The following LRRFIP1 variants were observed in gnomAD, a reference collection of about 807,000 sequenced individuals.
LRRFIP1 encodes the protein LRR binding FLII interacting protein 1, also known as leucine-rich repeat flightless-interacting protein 1.
A neutral mutation model predicts 104.4 loss-of-function variants in LRRFIP1; 62 were observed. The observed-to-expected ratio is 0.59, with a 90% CI of 0.48 to 0.73. The LOEUF (loss-of-function observed/expected upper bound fraction) is 0.73. Among genes scored for constraint, LRRFIP1 ranks in the 30% least tolerant of loss-of-function variants. The pLI is 0.00. For synonymous variants in LRRFIP1, 300 were observed against 299.0 expected, an observed-to-expected ratio of 1.00 and a Z score of -0.03; for missense variants, 796 against 824.5, an observed-to-expected ratio of 0.97 and a Z score of 0.42.
chr2:237,756,682 A>G (rs2059301023), intron 16 of LRRFIP1, among the ~76,000 whole-genome samples: 1 of 152,214 alleles, frequency 6.6e-6, no homozygotes, highest in Non-Finnish European at 1.5e-5. Flanking sequence ...GATTTACGAA[A>G]CAGTCCCTCT....
intron 3 of LRRFIP1, among the ~76,000 whole-genome samples, chr2:237,715,965 G>A (rs1461035033): frequency 2.0e-5 from 3 of 152,210 alleles, no homozygotes; most frequent in African/African-American, 4.8e-5. Context: ...TGAACGAGGT[G>A]AAAGATTTTC....
chr2:237,772,497 GAAA>G, intron 21 of LRRFIP1: 1 of 345,106 alleles, frequency 2.9e-6, no homozygotes. Flanking sequence ...TTGATTGTAT[GAAA>G]AAAAAAAAAT....
chr2:237,772,597 C>G, intron 21 of LRRFIP1: 1 of 537,266 alleles, frequency 1.9e-6, no homozygotes, highest in Non-Finnish European at 3.3e-6. Context: ...TTTCCCTACC[C>G]CCTACCATCT....
At chr2:237,673,472 G>C (rs1398573030) in intron 1 of LRRFIP1, among the ~76,000 whole-genome samples, 1 of 152,254 alleles carries the variant, frequency 6.6e-6, no homozygotes, top group Admixed American at 6.5e-5. Context: ...TGGGTTTCCT[G>C]TCTGTACATC....
At chr2:237,693,656 G>A (rs193227052) in intron 1 of LRRFIP1, among the ~76,000 whole-genome samples, 1 of 152,298 alleles carries the variant, frequency 6.6e-6, no homozygotes, top group Non-Finnish European at 1.5e-5. Context: ...GGAAGGGTGG[G>A]AATGTGGTTG....
rs1353670035 is a variant in LRRFIP1, at chr2:237,720,830, A to G, written c.345+8A>G. On this transcript the variant is annotated splice_region_variant and intron_variant, in intron 6 of 23. Transcript: ENST00000308482. The stretch of plus-strand genomic sequence containing the variant: ...AGTCGTGGAAGCCTGAGGGTCAGTA[A>G]CCAGAATGATGGAGTTTGCATGGCA... 1 of 1,613,552 alleles carries G rather than the reference A, an allele frequency of 6.2e-7. No homozygotes were observed. The highest frequency in any genetic ancestry group is 8.5e-7 in the Non-Finnish European group (1 of 1,179,616).
chr2:237,686,480 A>G (rs2092377717), intron 1 of LRRFIP1, among the ~76,000 whole-genome samples: 1 of 152,220 alleles, frequency 6.6e-6, no homozygotes, highest in African/African-American at 2.4e-5. Context: ...TGTTAGGAAA[A>G]CCATTCATCC....
At position 237,766,632 on chromosome 2, in the gene LRRFIP1, A is replaced by G. The variant is rs1027448494; in HGVS notation, c.1460-3311A>G. Among the ~76,000 whole-genome samples the G allele has an allele frequency of 1.3e-5, 2 of 152,170 alleles. No homozygotes were observed. Among genetic ancestry groups the G allele is most frequent in the Admixed American group, 1.3e-4 (2 of 15,262 alleles). ...TTTGCTTAATTAATAGACAGGTTTG[A>G]TCACTTTGTACATGGAAGGCACTGT... On this transcript the variant is annotated intron_variant, in intron 19 of 23. Coordinates refer to ENST00000308482, the MANE Select transcript of LRRFIP1 (RefSeq NM_001137550.2). The surrounding 1 kb of genome is among the most constrained non-coding windows in gnomAD (Gnocchi z 4.8).
intron 1 of LRRFIP1, among the ~76,000 whole-genome samples, chr2:237,693,811 G>C (rs770496375): frequency 1.3e-5 from 2 of 152,158 alleles, no homozygotes; most frequent in African/African-American, 2.4e-5. Context: ...ACTAGGGACA[G>C]GCTAATCAGA....
At chr2:237,668,812 C>T (rs773983334) in intron 1 of LRRFIP1, among the ~76,000 whole-genome samples, 3 of 152,166 alleles carry the variant, frequency 2.0e-5, no homozygotes, top group African/African-American at 4.8e-5. Flanking sequence ...TTATATTAAA[C>T]GTAATACATG....
chr2:237,779,585 G>A lies in LRRFIP1; in HGVS notation c.*53G>A. 6.8e-7 allele frequency: 1 copy of A among 1,476,974 alleles called. No homozygotes were observed. The highest frequency in any genetic ancestry group is 9.4e-7 in the Non-Finnish European group (1 of 1,059,326). The allele number at this position is 1,476,974 out of a possible 1,614,324, so 91.5% of individuals were successfully genotyped here. Reference sequence around the variant, plus strand: ...GGTGACTGGAGAGCATTGTTTCATAGGCTTTTCTCTGTCCTATCTGGGAGC... The same window carrying A: ...GGTGACTGGAGAGCATTGTTTCATAAGCTTTTCTCTGTCCTATCTGGGAGC... On this transcript the variant is annotated 3_prime_UTR_variant, in exon 24 of 24. Transcript: ENST00000308482.
chr2:237,692,079 GTGGGGCGAGTCA>G (rs1229422539), intron 1 of LRRFIP1: 4 of 576,638 alleles, frequency 6.9e-6, no homozygotes, highest in African/African-American at 6.8e-5. Flanking sequence ...GGCGGGGGCG[GTGGGGCGAGTCA>G]TGGGGCGGGG....
chr2:237,679,021 C>G (rs1157841417), intron 1 of LRRFIP1, among the ~76,000 whole-genome samples: 1 of 152,186 alleles, frequency 6.6e-6, no homozygotes, highest in Non-Finnish European at 1.5e-5. Context: ...GCTGAAGACT[C>G]CCACCAGGCA....
chr2:237,719,453 A>G (rs1223377530), intron 4 of LRRFIP1, 70 bp from the exon 5 acceptor site: 43 of 1,080,956 alleles, frequency 4.0e-5, no homozygotes, highest in Non-Finnish European at 4.1e-5. Flanking sequence ...GGGACTACCT[A>G]AGCTTTTTTA....
At chr2:237,694,835 G>T (rs2093058158) in intron 1 of LRRFIP1, among the ~76,000 whole-genome samples, 1 of 152,230 alleles carries the variant, frequency 6.6e-6, no homozygotes, top group Non-Finnish European at 1.5e-5. Context: ...TAACTTCCCT[G>T]TGTTTGCGAT....
At chr2:237,742,828 G>A (rs1287360445) in intron 11 of LRRFIP1, among the ~76,000 whole-genome samples, 1 of 152,064 alleles carries the variant, frequency 6.6e-6, no homozygotes, top group East Asian at 1.9e-4. Flanking sequence ...TGGCAAAGGT[G>A]AATGACCCTC....
Position 237,649,333 on chromosome 2 carries a change from C to T in LRRFIP1, c.96+21593C>T, listed in dbSNP as rs2085503125. Among the ~76,000 whole-genome samples the T allele has an allele frequency of 6.6e-6, 1 of 151,980 alleles. No individual in the cohort carries two copies. The highest frequency in any genetic ancestry group is 1.5e-5 in the Non-Finnish European group (1 of 67,920). ...TAACTTGAGGTCAGGAGTTCAAGACCAACCTGGCCAACATAGTGAAACCCC... is the reference window on the plus strand; with the variant it reads ...TAACTTGAGGTCAGGAGTTCAAGACTAACCTGGCCAACATAGTGAAACCCC... On this transcript the variant is annotated intron_variant, in intron 1 of 23. Coordinates refer to ENST00000308482, the MANE Select transcript of LRRFIP1 (RefSeq NM_001137550.2). This position sits in a 1 kb window ranked among gnomAD's most constrained non-coding sequence, Gnocchi z 4.1.
chr2:237,770,236 A>G, intron 20 of LRRFIP1: 1 of 449,852 alleles, frequency 2.2e-6, no homozygotes, highest in Non-Finnish European at 4.0e-6. Flanking sequence ...AAAGCCATGG[A>G]ATTGAATTTG....
At chr2:237,684,692 T>C (rs1455711434) in intron 1 of LRRFIP1, among the ~76,000 whole-genome samples, 1 of 152,206 alleles carries the variant, frequency 6.6e-6, no homozygotes, top group African/African-American at 2.4e-5. Flanking sequence ...GGAGGACTTT[T>C]CAGAGTTTGT....
Sources: allele counts gnomAD v4.1 joint callset (sites outside exome capture counted in the v4.1 genomes callset), GRCh38; gene constraint gnomAD v4.1.1; non-coding constraint Gnocchi (gnomAD v3.1); transcripts MANE v1.5; gene names NCBI Gene and HGNC (gene_info 2026-07-23, HGNC 2026-07-21).